The following NCKAP1 variants were observed in gnomAD, a reference collection of about 807,000 sequenced individuals.
NCKAP1 encodes nck-associated protein 1.
A neutral mutation model predicts 151.2 loss-of-function variants in NCKAP1; 21 were observed. The ratio of observed to expected loss-of-function variants is 0.14; its 90% CI spans 0.10 to 0.20. The LOEUF is 0.20. Ranked by LOEUF, NCKAP1 falls within the 10% of genes least tolerant of loss-of-function variation. NCKAP1 has a pLI of 1.00. For missense variants in NCKAP1, 933 were observed against 1,352.1 expected, an observed-to-expected ratio of 0.69 and a Z score of 4.86; for synonymous variants, 484 against 451.8, an observed-to-expected ratio of 1.07 and a Z score of -0.90.
At chr2:183,002,075 T>C (rs776394110) in intron 5 of NCKAP1, 32 bp from the exon 6 acceptor site, 1 of 1,612,608 alleles carries the variant, frequency 6.2e-7, no homozygotes, top group African/African-American at 1.3e-5. Context: ...TTCAATGAGT[T>C]GTAATCCATC....
At position 182,976,944 on chromosome 2, in the gene NCKAP1, A is replaced by G; in HGVS notation, c.1431T>C (p.Asp477=). 4 of 1,532,624 alleles carry G rather than the reference A, an allele frequency of 2.6e-6. No individual in the cohort carries two copies. The South Asian group carries it at 5.0e-5, about 19-fold the overall frequency. 94.9% of individuals were successfully genotyped at this position (1,532,624 alleles called of 1,614,324 possible). The part of the protein sequence containing the change: ...MTSLSVKQVE[D]GEVFDFRGMR... ...TTCCTCTGAAATCAAATACTTCCCC[A>G]TCTTCAACTGTAGTAATAGAAAAAA... The change falls in exon 15 of 31, where the codon GAT becomes GAC. Residue 477 remains aspartate, a synonymous_variant. Coordinates refer to ENST00000361354, the MANE Select transcript of NCKAP1 (RefSeq NM_013436.5).
Position 182,976,890 on chromosome 2 carries a change from T to C in NCKAP1, c.1482+3A>G, listed in dbSNP as rs762116337. 1 of 1,509,262 alleles carries C rather than the reference T, an allele frequency of 6.6e-7. No individual in the cohort carries two copies. The allele number at this position is 1,509,262 out of a possible 1,614,324, so 93.5% of individuals were successfully genotyped here. The stretch of plus-strand genomic sequence containing the variant: ...CAGAATGACAATAAAAGGTTATTCT[T>C]ACCTGTAACCTAAACCAATCTAATC... On this transcript the variant is annotated splice_donor_region_variant and intron_variant, in intron 15 of 30. Coordinates refer to ENST00000361354, the MANE Select transcript of NCKAP1 (RefSeq NM_013436.5).
At chr2:182,972,857 T>A (rs1697729076) in intron 15 of NCKAP1, among the ~76,000 whole-genome samples, 1 of 152,126 alleles carries the variant, frequency 6.6e-6, no homozygotes, top group African/African-American at 2.4e-5. Context: ...ATTGATCTCA[T>A]GGACGCAGAG....
intron 20 of NCKAP1, among the ~76,000 whole-genome samples, chr2:182,956,257 G>T (rs1020165857): frequency 6.6e-6 from 1 of 152,134 alleles, no homozygotes; most frequent in Non-Finnish European, 1.5e-5. Flanking sequence ...AGCCAGGATG[G>T]TCTCGATCTC....
chr2:183,008,367 T>C (rs775519342), intron 2 of NCKAP1, among the ~76,000 whole-genome samples: 1 of 152,208 alleles, frequency 6.6e-6, no homozygotes, highest in East Asian at 1.9e-4. Context: ...CTAACATTAT[T>C]TCAATACAAA....
At chr2:182,967,430 G>A (rs1461300064) in intron 15 of NCKAP1, 69 bp from the exon 16 acceptor site, 24 of 1,358,136 alleles carry the variant, frequency 1.8e-5, no homozygotes, top group Non-Finnish European at 1.3e-5. Context: ...CATTTTACAG[G>A]GGGAAAAGCA....
At chr2:182,968,114 T>C (rs1697612636) in intron 15 of NCKAP1, among the ~76,000 whole-genome samples, 1 of 152,208 alleles carries the variant, frequency 6.6e-6, no homozygotes, top group Non-Finnish European at 1.5e-5. Context: ...GAACAGCCTG[T>C]ATACCACGTT....
intron 2 of NCKAP1, among the ~76,000 whole-genome samples, chr2:183,007,275 T>G (rs1381002949): frequency 6.6e-6 from 1 of 152,226 alleles, no homozygotes; most frequent in Non-Finnish European, 1.5e-5. Context: ...CTATGGGTCA[T>G]TATTCTAAAT....
intron 2 of NCKAP1, among the ~76,000 whole-genome samples, chr2:183,008,964 T>C (rs1381661105): frequency 1.3e-5 from 2 of 152,214 alleles, no homozygotes; most frequent in Non-Finnish European, 2.9e-5. Flanking sequence ...AACCTTAGAC[T>C]CCTACTTAAA....
At chr2:183,007,915 T>C (rs972948455) in intron 2 of NCKAP1, among the ~76,000 whole-genome samples, 1 of 152,126 alleles carries the variant, frequency 6.6e-6, no homozygotes, top group African/African-American at 2.4e-5. Context: ...GCACAGTGAA[T>C]GTTTTTTGTT....
intron 16 of NCKAP1, among the ~76,000 whole-genome samples, chr2:182,966,729 TAAAC>T (rs1467653540): frequency 1.3e-5 from 2 of 151,918 alleles, no homozygotes; most frequent in African/African-American, 2.4e-5. Flanking sequence ...GGAAGAAAAA[TAAAC>T]TAAGTATAAC....
chr2:183,009,497 A>G lies in NCKAP1; in HGVS notation c.220-6172T>C, dbSNP rs150931345. ...AAGGAAGCAAGCAAGCAAGCAGGCA[A>G]GCAAGCAAGGTTGGTTATCCTAACA... is the stretch of plus-strand genomic sequence containing the variant. On this transcript the variant is annotated intron_variant, in intron 2 of 30. Transcript: ENST00000361354. 5.7e-3 allele frequency among the ~76,000 whole-genome samples: 849 copies of G among 149,372 alleles called. 3 individuals carry two copies. The highest frequency in any genetic ancestry group is 9.1e-3 in the Non-Finnish European group (611 of 67,098).
chr2:183,020,527 T>C (rs184541805), intron 2 of NCKAP1, among the ~76,000 whole-genome samples: 3 of 151,692 alleles, frequency 2.0e-5, no homozygotes, highest in Admixed American at 2.0e-4. Context: ...AGAAATCTGT[T>C]TTTATGAGTA....
chr2:182,997,830 C>G (rs1698299771), intron 6 of NCKAP1, among the ~76,000 whole-genome samples: 1 of 152,034 alleles, frequency 6.6e-6, no homozygotes, highest in South Asian at 2.1e-4. Context: ...TTCTATGAGT[C>G]CAATATCATC....
intron 27 of NCKAP1, among the ~76,000 whole-genome samples, chr2:182,929,163 AT>A (rs969695558): frequency 1.3e-5 from 2 of 151,686 alleles, no homozygotes; most frequent in Admixed American, 6.6e-5. Context: ...GTAAGATTTT[AT>A]TTTTTTTAAT....
In NCKAP1 at chr2:182,989,096, G is replaced by A. The variant is rs533081641; in HGVS notation, c.881C>T (p.Ser294Phe). Residue 294 changes from serine (S) to phenylalanine (F), a missense_variant, in exon 9 of 31, where the codon TCT becomes TTT. Ser to Phe is a radical substitution (Grantham distance 155). Around this residue, in one of 2 missense-constraint regions of NCKAP1, gnomAD observed 607 missense variants for 795.0 expected, o/e 0.76. Coordinates refer to ENST00000361354, the MANE Select transcript of NCKAP1 (RefSeq NM_013436.5). Reference sequence around the variant, plus strand: ...GTGGAAAACTTCATCCCGAAAGAGAGAGAGGCAAGAGCTACTTTGAAGAGC... The same window carrying A: ...GTGGAAAACTTCATCCCGAAAGAGAAAGAGGCAAGAGCTACTTTGAAGAGC... ...KLALQSSSCLSLFRDEVFHIH... is the reference protein window; with the variant it reads ...KLALQSSSCLFLFRDEVFHIH... The A allele has an allele frequency of 1.9e-6, 3 of 1,613,754 alleles. No homozygotes were observed. Among genetic ancestry groups the A allele is most frequent in the East Asian group, 2.2e-5 (1 of 44,864 alleles).
intron 30 of NCKAP1, 115 bp from the exon 31 acceptor site, chr2:182,925,933 A>G: frequency 4.0e-6 from 2 of 497,134 alleles, no homozygotes; most frequent in Non-Finnish European, 7.1e-6. Flanking sequence ...CATAACTTCT[A>G]TATTGTTCTT....
In NCKAP1 at chr2:182,915,867, C is replaced by T. The variant is rs1696458448; in HGVS notation, c.*9835G>A. The T allele has an allele frequency of 6.6e-6, 1 of 152,120 alleles. No individual in the cohort carries two copies. Among genetic ancestry groups the T allele is most frequent in the African/African-American group, 2.4e-5 (1 of 41,432 alleles). 9.4% of individuals were successfully genotyped at this position (152,120 alleles called of 1,614,324 possible). On this transcript the variant is annotated 3_prime_UTR_variant, in exon 31 of 31. Coordinates refer to ENST00000361354, the MANE Select transcript of NCKAP1 (RefSeq NM_013436.5). Reference sequence around the variant, plus strand: ...CCTCTCTTCTTTGCTCTTGGCATTTCACTTAAATTTTCAGATTTAAAAATA... The same window carrying T: ...CCTCTCTTCTTTGCTCTTGGCATTTTACTTAAATTTTCAGATTTAAAAATA...
rs1696480638 is a variant in NCKAP1 at position 182,917,165 on chromosome 2, T to G, written c.*8537A>C. ...CAATAGCCCTTTAAAGTAGATATTA[T>G]CCACATTCTACACTTAGGGAAACAA... On this transcript the variant is annotated 3_prime_UTR_variant, in exon 31 of 31. Coordinates refer to ENST00000361354, the MANE Select transcript of NCKAP1 (RefSeq NM_013436.5). 6.6e-6 allele frequency: 1 copy of G among 152,190 alleles called. No homozygotes were observed. 9.4% of individuals were successfully genotyped at this position (152,190 alleles called of 1,614,324 possible).
Sources: gnomAD v4.1 joint callset for allele counts (sites outside exome capture counted in the v4.1 genomes callset) on GRCh38, gnomAD v4.1.1 for gene constraint, gnomAD v4.1.1 regional missense constraint, MANE v1.5 for transcripts, NCBI Gene and HGNC (gene_info 2026-07-23, HGNC 2026-07-21) for gene names.